HAUS6: variants seen among roughly 807,000 people sequenced by gnomAD.
The protein encoded by HAUS6 is HAUS augmin like complex subunit 6, also known as HAUS augmin-like complex subunit 6.
In HAUS6, 80 loss-of-function variants were observed where a neutral mutation model predicts 106.8. That is an observed-to-expected ratio of 0.75 (90% CI 0.63 to 0.90). The LOEUF is 0.90. Among genes scored for constraint, HAUS6 ranks in the 40% least tolerant of loss-of-function variants. The pLI, the probability that HAUS6 is intolerant of heterozygous loss-of-function variation, is 0.00. For missense variants in HAUS6, 1,155 were observed against 1,118.1 expected (o/e 1.03, Z -0.47); for synonymous variants, 356 against 379.1 (o/e 0.94, Z 0.71).
Position 19,070,130 on chromosome 9 carries a change from C to T in HAUS6, c.1376+89G>A, listed in dbSNP as rs1221086848. 1.3e-5 allele frequency: 10 copies of T among 746,670 alleles called. No individual in the cohort carries two copies. In the East Asian group the frequency reaches 1.9e-4, roughly 14 times the overall value. 46.3% of individuals were successfully genotyped at this position (746,670 alleles called of 1,614,324 possible). ...CAACTCCCCAACAGACCCAGAAGTC[C>T]AGCTGGCTTCACCTCTCAGTTCCAT... On this transcript the variant is annotated intron_variant, in intron 12 of 16. Coordinates refer to ENST00000380502, the MANE Select transcript of HAUS6 (RefSeq NM_017645.5).
rs540914126 is a variant in HAUS6, at chr9:19,090,493, T to C, written c.437-934A>G. On this transcript the variant is annotated intron_variant, in intron 4 of 16. Transcript: ENST00000380502. The stretch of plus-strand genomic sequence containing the variant: ...CATTCTCCTGCCTCAGCCTCCCAAG[T>C]AGCTGGGACTACAGGTGCCCGCCAC... Among the ~76,000 whole-genome samples the C allele has an allele frequency of 4.6e-5, 7 of 152,242 alleles. No individual in the cohort carries two copies. In the South Asian group the frequency reaches 1.5e-3, roughly 32 times the overall value.
intron 11 of HAUS6, among the ~76,000 whole-genome samples, chr9:19,074,410 T>C (rs1445016071): frequency 6.6e-6 from 1 of 152,114 alleles, no homozygotes; most frequent in African/African-American, 2.4e-5. Context: ...TAGCTAGGAC[T>C]ACAGACACAC....
chr9:19,058,372 A>C lies in HAUS6; in HGVS notation c.2395T>G (p.Phe799Val), dbSNP rs1280255585. Residue 799 changes from phenylalanine (F) to valine (V), a missense_variant, in exon 16 of 17, where the codon TTT becomes GTT. Coordinates refer to ENST00000380502, the MANE Select transcript of HAUS6 (RefSeq NM_017645.5). ...ATAGGACTATTTGGCTCCAGTTTAA[A>C]ATTGGCCTCTGAACTACTGGAACTA... ...FNSSSSSEAN[F>V]KLEPNSPMHG... 2.5e-6 allele frequency: 4 copies of C among 1,613,876 alleles called. No individual in the cohort carries two copies. Among genetic ancestry groups the C allele is most frequent in the Middle Eastern group, 1.7e-4 (1 of 6,056 alleles).
At chr9:19,075,492 C>G (rs749130323) in intron 11 of HAUS6, among the ~76,000 whole-genome samples, 8 of 152,144 alleles carry the variant, frequency 5.3e-5, no homozygotes, top group Non-Finnish European at 8.8e-5. Flanking sequence ...ACCTATAATC[C>G]CAGCACTTTG....
intron 9 of HAUS6, among the ~76,000 whole-genome samples, chr9:19,080,108 G>A (rs994290930): frequency 1.3e-4 from 19 of 147,418 alleles, no homozygotes; most frequent in African/African-American, 4.6e-4. Flanking sequence ...CAGGAGGCAG[G>A]GGTTGTGGTG....
chr9:19,091,318 A>T (rs78203579), intron 4 of HAUS6, among the ~76,000 whole-genome samples: 3 of 151,596 alleles, frequency 2.0e-5, no homozygotes, highest in Admixed American at 6.6e-5. Flanking sequence ...AAAAAAAGAA[A>T]CCACCAAAAT....
chr9:19,086,015 T>C (rs530679853), intron 7 of HAUS6, among the ~76,000 whole-genome samples: 1 of 151,606 alleles, frequency 6.6e-6, no homozygotes, highest in Non-Finnish European at 1.5e-5. Context: ...GTAATAGTAC[T>C]ATAAAAAGAA....
intron 14 of HAUS6, among the ~76,000 whole-genome samples, chr9:19,061,654 GTGAGT>G (rs1322342616): frequency 2.0e-5 from 3 of 152,128 alleles, no homozygotes; most frequent in Non-Finnish European, 4.4e-5. Context: ...GGGCAAAAGA[GTGAGT>G]TCCCAACTCT....
rs751153471 is a variant in HAUS6 at position 19,063,154 on chromosome 9, T to C, written c.1483A>G (p.Ile495Val). ...TCAAATTCTGGTATTTTCTTAGAAA[T>C]TGCTTCATTTTTTTCTTTGGGAGTT... ...MGTPKEKNEA[I>V]SKKIPEFEVE... The change falls in exon 14 of 17, where the codon ATT (isoleucine) becomes GTT (valine). Residue 495 changes from isoleucine to valine, a missense_variant. By Grantham distance (29) the Ile-to-Val change is conservative. Coordinates refer to ENST00000380502, the MANE Select transcript of HAUS6 (RefSeq NM_017645.5). 3.1e-6 allele frequency: 5 copies of C among 1,606,504 alleles called. No individual in the cohort carries two copies. Among genetic ancestry groups the C allele is most frequent in the Admixed American group, 3.4e-5 (2 of 59,020 alleles).
chr9:19,085,913 A>G (rs745513499), intron 7 of HAUS6, among the ~76,000 whole-genome samples: 12 of 152,158 alleles, frequency 7.9e-5, no homozygotes, highest in South Asian at 4.2e-4. Context: ...CTTATGAACT[A>G]TAAGTTCATT....
Position 19,058,952 on chromosome 9 carries a change from G to A in HAUS6, c.1815C>T (p.Asn605=), listed in dbSNP as rs1221433700. ...SWRKAIEMEE[N]RTKEPIQMDA... is the part of the protein sequence containing the mutation. ...CCATTTGAATTGGTTCTTTAGTTCTGTTTTCTTCCATTTCAATAGCTTTTC... is the reference window on the plus strand; with the variant it reads ...CCATTTGAATTGGTTCTTTAGTTCTATTTTCTTCCATTTCAATAGCTTTTC... The change falls in exon 16 of 17, where the codon AAC becomes AAT. Residue 605 remains asparagine (N), a synonymous_variant. Transcript: ENST00000380502. 6.2e-6 allele frequency: 10 copies of A among 1,603,858 alleles called. No individual in the cohort carries two copies. The highest frequency in any genetic ancestry group is 7.7e-6 in the Non-Finnish European group (9 of 1,171,520).
intron 11 of HAUS6, among the ~76,000 whole-genome samples, chr9:19,074,285 G>A (rs1363247389): frequency 6.6e-6 from 1 of 152,078 alleles, no homozygotes; most frequent in African/African-American, 2.4e-5. Flanking sequence ...AGAAAGAAGA[G>A]AGAGAGGGTC....
At position 19,058,166 on chromosome 9, in the gene HAUS6, G is replaced by A. The variant is rs148362138; in HGVS notation, c.2601C>T (p.Ser867=). Residue 867 remains serine, a synonymous_variant, in exon 16 of 17, where the codon AGC becomes AGT. Coordinates refer to ENST00000380502, the MANE Select transcript of HAUS6 (RefSeq NM_017645.5). ...CTGTTTGTACATTTTGGGGAGTAGG[G>A]CTCAATTCTGGTTTGTGTCTTTCGG... is the stretch of plus-strand genomic sequence containing the variant. ...QTPERHKPEL[S]PTPQNVQTDD... The A allele has an allele frequency of 2.5e-5, 40 of 1,613,856 alleles. No homozygotes were observed. Among genetic ancestry groups the A allele is most frequent in the Non-Finnish European group, 3.2e-5 (38 of 1,179,778 alleles).
At position 19,057,751 on chromosome 9, in the gene HAUS6, C is replaced by T. The variant is rs955390786; in HGVS notation, c.2806+210G>A. ...AGATTGGGGGGGCTTTTTTTTCCCACCCCTGTCTCAAATCAATTGTAACTA... is the reference window on the plus strand; with the variant it reads ...AGATTGGGGGGGCTTTTTTTTCCCATCCCTGTCTCAAATCAATTGTAACTA... On this transcript the variant is annotated intron_variant, in intron 16 of 16. Transcript: ENST00000380502. 2.5e-4 allele frequency: 107 copies of T among 420,736 alleles called. 1 individual carries two copies. Among genetic ancestry groups the T allele is most frequent in the Non-Finnish European group, 1.5e-4 (35 of 238,698 alleles). 26.1% of individuals were successfully genotyped at this position (420,736 alleles called of 1,614,324 possible). A position where few individuals can be genotyped will look rare whatever the true frequency, so the allele number is the denominator to read the frequency against.
At chr9:19,068,938 T>C (rs1230722728) in intron 12 of HAUS6, among the ~76,000 whole-genome samples, 2 of 152,174 alleles carry the variant, frequency 1.3e-5, no homozygotes, top group South Asian at 4.1e-4. Flanking sequence ...CAAAATCCAG[T>C]TTTTTCATAT....
chr9:19,069,305 G>C (rs1463029219), intron 12 of HAUS6, among the ~76,000 whole-genome samples: 2 of 152,130 alleles, frequency 1.3e-5, no homozygotes, highest in Non-Finnish European at 2.9e-5. Context: ...TTTAGATAAA[G>C]AATAGAAGAG....
At chr9:19,082,405 C>A (rs1373828211) in intron 8 of HAUS6, among the ~76,000 whole-genome samples, 1 of 150,872 alleles carries the variant, frequency 6.6e-6, no homozygotes, top group Admixed American at 6.6e-5. Context: ...TAAATATACA[C>A]ACCTTTAACA....
At chr9:19,057,598 A>G (rs1423104158) in intron 16 of HAUS6, 1 of 242,716 alleles carries the variant, frequency 4.1e-6, no homozygotes, top group Non-Finnish European at 7.8e-6. Context: ...CCACCCCCAG[A>G]TATTACACCA....
chr9:19,094,960 T>C (rs1049390248), intron 2 of HAUS6, among the ~76,000 whole-genome samples: 4 of 152,124 alleles, frequency 2.6e-5, no homozygotes, highest in African/African-American at 9.7e-5. Context: ...GCTATAAAAA[T>C]TGCTGAAAAT....
Sources: gnomAD v4.1 joint callset for allele counts (sites outside exome capture counted in the v4.1 genomes callset) on GRCh38, gnomAD v4.1.1 for gene constraint, MANE v1.5 for transcripts, NCBI Gene and HGNC (gene_info 2026-07-23, HGNC 2026-07-21) for gene names.